PRPF8: variants seen among roughly 807,000 people sequenced by gnomAD.
PRPF8 encodes pre-mRNA-processing-splicing factor 8.
In PRPF8, 64 loss-of-function variants were observed where a neutral mutation model predicts 285.9. That is an observed-to-expected ratio of 0.22 (90% confidence interval 0.18 to 0.28). The LOEUF is 0.28. Ranked by LOEUF, PRPF8 falls within the 10% of genes least tolerant of loss-of-function variation. The pLI is 1.00. For missense variants in PRPF8, 1,426 were observed against 3,026.7 expected (o/e 0.47, Z 12.41); for synonymous variants, 1,325 against 1,118.2 (o/e 1.18, Z -3.69).
At position 1,675,466 on chromosome 17, in the gene PRPF8, G is replaced by C; in HGVS notation, c.2873-127C>G. On this transcript the variant is annotated intron_variant, in intron 19 of 42. Coordinates refer to ENST00000304992, the MANE Select transcript of PRPF8 (RefSeq NM_006445.4). The surrounding 1 kb of genome is among the most constrained non-coding windows in gnomAD (Gnocchi z 6.0). ...TCCACGTATTCATTTGGATTGCTTT[G>C]ACTATGGGCTTTTCCTCAGTTTAAC... is the stretch of plus-strand genomic sequence containing the variant. The C allele has an allele frequency of 3.5e-6, 5 of 1,446,760 alleles. No individual in the cohort carries two copies. Among genetic ancestry groups the C allele is most frequent in the South Asian group, 3.4e-5 (3 of 87,600 alleles). 89.6% of individuals were successfully genotyped at this position (1,446,760 alleles called of 1,614,324 possible). A position where few individuals can be genotyped will look rare whatever the true frequency, so the allele number is the denominator to read the frequency against.
In PRPF8 at chr17:1,681,828, G is replaced by A. The variant is rs758699232; in HGVS notation, c.645C>T (p.Asp215=). The change falls in exon 5 of 43, where the codon GAC becomes GAT. Residue 215 remains aspartate (D), a synonymous_variant. Coordinates refer to ENST00000304992, the MANE Select transcript of PRPF8 (RefSeq NM_006445.4). ...DWFYDHQPLR[D]SRKYVNGSTY... ...CTCCATCTATCACTCACTTCCTGCT[G>A]TCCCTCAACGGCTGGTGGTCATAGA... 3.7e-6 allele frequency: 6 copies of A among 1,613,694 alleles called. No homozygotes were observed. The highest frequency in any genetic ancestry group is 2.2e-5 in the East Asian group (1 of 44,882).
chr17:1,674,685 A>G lies in PRPF8; in HGVS notation c.3061-5T>C. ...TGAATTCGTATGGTTCATGTCCTAGAAAGAAAGAACTACAATTCTTAAGAA... is the reference window on the plus strand; with the variant it reads ...TGAATTCGTATGGTTCATGTCCTAGGAAGAAAGAACTACAATTCTTAAGAA... On this transcript the variant is annotated splice_polypyrimidine_tract_variant and splice_region_variant and intron_variant, in intron 20 of 42. Transcript: ENST00000304992. The G allele has an allele frequency of 6.2e-7, 1 of 1,612,078 alleles. No homozygotes were observed. The highest frequency in any genetic ancestry group is 1.3e-5 in the African/African-American group (1 of 75,008).
rs753884759 is a variant in PRPF8, at chr17:1,651,292, A to G, written c.6669T>C (p.Cys2223=). 35 of 1,613,918 alleles carry G rather than the reference A, an allele frequency of 2.2e-5. No homozygotes were observed. Among genetic ancestry groups the G allele is most frequent in the Non-Finnish European group, 3.0e-5 (35 of 1,180,018 alleles). ...GGGTCAGCTTGTAGGCCGTCAGTGTACAGGAGCCTGGCGTGAAGCTGGGGG... is the reference window on the plus strand; with the variant it reads ...GGGTCAGCTTGTAGGCCGTCAGTGTGCAGGAGCCTGGCGTGAAGCTGGGGG... The part of the protein sequence containing the change: ...IITCSFTPGS[C]TLTAYKLTPS... Residue 2223 remains cysteine, a synonymous_variant, in exon 42 of 43, where the codon TGT becomes TGC. Coordinates refer to ENST00000304992, the MANE Select transcript of PRPF8 (RefSeq NM_006445.4). The surrounding 1 kb of genome is among the most constrained non-coding windows in gnomAD (Gnocchi z 5.1).
chr17:1,656,362 C>G, intron 36 of PRPF8, 30 bp downstream of exon 36: 3 of 1,614,064 alleles, frequency 1.9e-6, no homozygotes, highest in Non-Finnish European at 2.5e-6. Context: ...CGCTCCTCCT[C>G]CAGCGATCTT....
At position 1,673,714 on chromosome 17, in the gene PRPF8, T is replaced by A. The variant is rs1354021085; in HGVS notation, c.3446+32A>T. 1.2e-6 allele frequency: 2 copies of A among 1,613,632 alleles called. No homozygotes were observed. Among genetic ancestry groups the A allele is most frequent in the South Asian group, 2.2e-5 (2 of 91,060 alleles). The stretch of plus-strand genomic sequence containing the variant: ...CTCTCTGGGCCCTTAGCTTATGTCC[T>A]TCCAGCTCACACAGCCCCAACCTAG... On this transcript the variant is annotated intron_variant, in intron 22 of 42. Transcript: ENST00000304992. This position sits in a 1 kb window ranked among gnomAD's most constrained non-coding sequence, Gnocchi z 5.5.
In PRPF8 at chr17:1,659,410, GTAGA is replaced by G; in HGVS notation, c.5081_5084del (p.Ile1694ThrfsTer40). 1.2e-6 allele frequency: 2 copies of G among 1,614,144 alleles called. No homozygotes were observed. The highest frequency in any genetic ancestry group is 1.7e-6 in the Non-Finnish European group (2 of 1,180,020). ...CGATGAGTACACCTGTGGGCGAAGG[GTAGA>G]TACTCATGTTGTCGGTGGTGTAGTC... On this transcript the variant is annotated frameshift_variant, in exon 32 of 43. Transcript: ENST00000304992. LOFTEE classifies it high-confidence loss of function. The surrounding 1 kb of genome is among the most constrained non-coding windows in gnomAD (Gnocchi z 5.1).
Position 1,675,388 on chromosome 17 carries a change from A to C in PRPF8, c.2873-49T>G. ...CCAGCAGGTTAGAAATCCTCTTGCA[A>C]GACTAGCCCCACAGGAACTATCATT... On this transcript the variant is annotated intron_variant, in intron 19 of 42. Coordinates refer to ENST00000304992, the MANE Select transcript of PRPF8 (RefSeq NM_006445.4). This position sits in a 1 kb window ranked among gnomAD's most constrained non-coding sequence, Gnocchi z 6.0. 6.3e-7 allele frequency: 1 copy of C among 1,598,262 alleles called. No individual in the cohort carries two copies. Among genetic ancestry groups the C allele is most frequent in the Non-Finnish European group, 8.6e-7 (1 of 1,166,490 alleles).
intron 28 of PRPF8, 73 bp downstream of exon 28, chr17:1,660,920 G>A: frequency 6.2e-7 from 1 of 1,612,380 alleles, no homozygotes; most frequent in Non-Finnish European, 8.5e-7. Flanking sequence ...AACACCACAG[G>A]AAATCACAGA....
intron 24 of PRPF8, among the ~76,000 whole-genome samples, chr17:1,665,071 A>C (rs955531610): frequency 2.0e-5 from 3 of 148,914 alleles, no homozygotes; most frequent in Admixed American, 2.0e-4. Context: ...GAGGCAGGAG[A>C]ATCGCTTGAA....
Position 1,675,495 on chromosome 17 carries a change from AAC to A in PRPF8, c.2872+123_2872+124del. 1 of 1,460,384 alleles carries A rather than the reference AAC, an allele frequency of 6.8e-7. No homozygotes were observed. The highest frequency in any genetic ancestry group is 1.1e-5 in the South Asian group (1 of 87,850). 90.5% of individuals were successfully genotyped at this position (1,460,384 alleles called of 1,614,324 possible). ...ATGGGCTTTTCCTCAGTTTAACACGAACACTACTTCCCTTTACTACCACGCAT... is the reference window on the plus strand; with the variant it reads ...ATGGGCTTTTCCTCAGTTTAACACGAACTACTTCCCTTTACTACCACGCAT... On this transcript the variant is annotated intron_variant, in intron 19 of 42. Coordinates refer to ENST00000304992, the MANE Select transcript of PRPF8 (RefSeq NM_006445.4). This position sits in a 1 kb window ranked among gnomAD's most constrained non-coding sequence, Gnocchi z 6.0.
chr17:1,669,064 T>C (rs575359865), intron 24 of PRPF8, among the ~76,000 whole-genome samples: 3 of 152,300 alleles, frequency 2.0e-5, no homozygotes, highest in East Asian at 3.9e-4. Flanking sequence ...TTGCTCTTTA[T>C]TCTATCCCTA....
chr17:1,673,714 T>C lies in PRPF8; in HGVS notation c.3446+32A>G, dbSNP rs1354021085. 6.2e-7 allele frequency: 1 copy of C among 1,613,632 alleles called. No homozygotes were observed. Among genetic ancestry groups the C allele is most frequent in the Non-Finnish European group, 8.5e-7 (1 of 1,179,992 alleles). On this transcript the variant is annotated intron_variant, in intron 22 of 42. Coordinates refer to ENST00000304992, the MANE Select transcript of PRPF8 (RefSeq NM_006445.4). This position sits in a 1 kb window ranked among gnomAD's most constrained non-coding sequence, Gnocchi z 5.5. ...CTCTCTGGGCCCTTAGCTTATGTCC[T>C]TCCAGCTCACACAGCCCCAACCTAG...
chr17:1,669,467 A>C (rs1912189270), intron 24 of PRPF8, among the ~76,000 whole-genome samples: 1 of 152,134 alleles, frequency 6.6e-6, no homozygotes, highest in African/African-American at 2.4e-5. Flanking sequence ...AACACGCTCA[A>C]GTCACTGTCA....
chr17:1,659,214 C>CAGGG lies in PRPF8; in HGVS notation c.5138+139_5138+142dup. The CAGGG allele has an allele frequency of 1.1e-6, 1 of 929,688 alleles. No individual in the cohort carries two copies. Among genetic ancestry groups the CAGGG allele is most frequent in the South Asian group, 1.4e-5 (1 of 72,812 alleles). The allele number at this position is 929,688 out of a possible 1,614,324, so 57.6% of individuals were successfully genotyped here. A position where few individuals can be genotyped will look rare whatever the true frequency, so the allele number is the denominator to read the frequency against. ...CTAATTTTTTGTATTTTGGTAGAGA[C>CAGGG]AGGGTTTCACCATGTTGCCCAGACT... On this transcript the variant is annotated intron_variant, in intron 32 of 42. Coordinates refer to ENST00000304992, the MANE Select transcript of PRPF8 (RefSeq NM_006445.4). This position sits in a 1 kb window ranked among gnomAD's most constrained non-coding sequence, Gnocchi z 5.1.
chr17:1,654,355 T>C (rs1325816785), intron 37 of PRPF8: 2 of 474,272 alleles, frequency 4.2e-6, no homozygotes, highest in African/African-American at 2.0e-5. Context: ...AGAGGTGGTA[T>C]TGTCCGTCAC....
At position 1,673,227 on chromosome 17, in the gene PRPF8, C is replaced by T. The variant is rs115613107; in HGVS notation, c.3658-30G>A. ...ACCACAAAGTCAAGGTTAACATGTCCGAGGAACTCCCACAGAAGCAAGAGC... is the reference window on the plus strand; with the variant it reads ...ACCACAAAGTCAAGGTTAACATGTCTGAGGAACTCCCACAGAAGCAAGAGC... On this transcript the variant is annotated intron_variant, in intron 23 of 42. Transcript: ENST00000304992. The surrounding 1 kb of genome is among the most constrained non-coding windows in gnomAD (Gnocchi z 5.5). 2,995 of 1,611,032 alleles carry T rather than the reference C, an allele frequency of 1.9e-3. 49 individuals are homozygous for T. The African/African-American group carries it at 0.035, about 19-fold the overall frequency.
intron 24 of PRPF8, among the ~76,000 whole-genome samples, chr17:1,671,850 CA>C (rs1225346730): frequency 0.12 from 5,945 of 49,864 alleles, 84 homozygotes; most frequent in African/African-American, 0.22. Context: ...GACTCCATCT[CA>C]AAAAAAAAAA....
Position 1,651,693 on chromosome 17 carries a change from C to G in PRPF8, c.6465G>C (p.Gln2155His). Residue 2155 changes from glutamine to histidine, a missense_variant, in exon 40 of 43, where the codon CAG becomes CAC. Gln to His is a conservative substitution (Grantham distance 24). Coordinates refer to ENST00000304992, the MANE Select transcript of PRPF8 (RefSeq NM_006445.4). This position sits in a 1 kb window ranked among gnomAD's most constrained non-coding sequence, Gnocchi z 5.1. ...GCAGCTGGCCAGGCAGGTGCACGGT[C>G]TGGTGAGTGCCCCACTGCGGCACCA... is the stretch of plus-strand genomic sequence containing the variant. The part of the protein sequence containing the change: ...IVMVPQWGTH[Q>H]TVHLPGQLPQ... The G allele has an allele frequency of 6.2e-7, 1 of 1,614,196 alleles. No individual in the cohort carries two copies. Among genetic ancestry groups the G allele is most frequent in the South Asian group, 1.1e-5 (1 of 91,080 alleles).
chr17:1,681,859 T>A lies in PRPF8; in HGVS notation c.614A>T (p.Asp205Val). ...LDPEEDAPVL[D>V]WFYDHQPLRD... is the part of the protein sequence containing the mutation. ...CAACGGCTGGTGGTCATAGAACCAGTCCAACACAGGGGCGTCCTCCTCAGG... is the reference window on the plus strand; with the variant it reads ...CAACGGCTGGTGGTCATAGAACCAGACCAACACAGGGGCGTCCTCCTCAGG... Residue 205 changes from aspartate to valine, a missense_variant, in exon 5 of 43, where the codon GAC becomes GTC. By Grantham distance (152) the Asp-to-Val change is radical. Around this residue, in one of 34 missense-constraint regions of PRPF8, gnomAD observed 96 missense variants for 188.3 expected, o/e 0.51. Transcript: ENST00000304992. 2 of 1,613,878 alleles carry A rather than the reference T, an allele frequency of 1.2e-6. No homozygotes were observed. Among genetic ancestry groups the A allele is most frequent in the Non-Finnish European group, 1.7e-6 (2 of 1,179,976 alleles).
Sources: gnomAD v4.1 joint callset for allele counts (sites outside exome capture counted in the v4.1 genomes callset) on GRCh38, gnomAD v4.1.1 for gene constraint, gnomAD v4.1.1 regional missense constraint, Gnocchi (gnomAD v3.1) non-coding constraint, MANE v1.5 for transcripts, NCBI Gene and HGNC (gene_info 2026-07-23, HGNC 2026-07-21) for gene names.